The following WASF1 variants were observed in gnomAD, a reference collection of about 807,000 sequenced individuals.
The protein encoded by WASF1 is WASP family member 1.
Under a neutral mutation model 50.5 loss-of-function variants are expected in WASF1, and 7 were observed. The observed-to-expected ratio is 0.14, with a 90% CI of 0.08 to 0.26. WASF1 has a LOEUF of 0.26. WASF1 is among the 10% of genes least tolerant of loss of function. The probability of loss-of-function intolerance (pLI) is 1.00; values close to 1 mark genes in which losing one functional copy is unlikely to be tolerated. For missense variants in WASF1, 470 were observed against 694.7 expected, an observed-to-expected ratio of 0.68 and a Z score of 3.64; for synonymous variants, 205 against 244.0, an observed-to-expected ratio of 0.84 and a Z score of 1.49.
intron 2 of WASF1, among the ~76,000 whole-genome samples, chr6:110,171,758 G>C (rs998834998): frequency 1.3e-5 from 2 of 151,834 alleles, no homozygotes; most frequent in Non-Finnish European, 2.9e-5. Context: ...CTACAGAATG[G>C]GAGAAAATTT....
At chr6:110,179,385 C>G (rs939782761) in intron 1 of WASF1, 54 bp downstream of exon 1, 3 of 152,730 alleles carry the variant, frequency 2.0e-5, no homozygotes, top group African/African-American at 7.2e-5. Flanking sequence ...GGAAGAGTTC[C>G]TCTCCCAACA....
At chr6:110,121,164 A>C (rs1369911928) in intron 4 of WASF1, among the ~76,000 whole-genome samples, 1 of 152,228 alleles carries the variant, frequency 6.6e-6, no homozygotes, top group African/African-American at 2.4e-5. Flanking sequence ...AAGCAATGGC[A>C]AGAAAGCCAA....
Position 110,179,499 on chromosome 6 carries a change from C to G in WASF1, c.-332G>C, listed in dbSNP as rs1777111144. 1 of 152,186 alleles carries G rather than the reference C, an allele frequency of 6.6e-6. No individual in the cohort carries two copies. The highest frequency in any genetic ancestry group is 1.9e-4 in the East Asian group (1 of 5,132). The allele number at this position is 152,186 out of a possible 1,614,324, so 9.4% of individuals were successfully genotyped here. ...TCATGCTTCGGCAGCGGTCGCCGGT[C>G]CCCCTCGGCTCGCGGGACTCCGCCT... is the stretch of plus-strand genomic sequence containing the variant. On this transcript the variant is annotated 5_prime_UTR_variant, in exon 1 of 11. Coordinates refer to ENST00000392589, the MANE Select transcript of WASF1 (RefSeq NM_003931.3).
chr6:110,107,443 T>C (rs1048722155), intron 6 of WASF1, among the ~76,000 whole-genome samples: 2 of 152,192 alleles, frequency 1.3e-5, no homozygotes, highest in African/African-American at 4.8e-5. Context: ...GCAATTTTCA[T>C]CCCTAATTTC....
intron 3 of WASF1, among the ~76,000 whole-genome samples, chr6:110,131,342 G>C (rs1774659622): frequency 6.6e-6 from 1 of 152,084 alleles, no homozygotes; most frequent in African/African-American, 2.4e-5. Context: ...GTAGCAGTTA[G>C]GTTTCTTATA....
At chr6:110,154,103 GT>G (rs1202359351) in intron 3 of WASF1, among the ~76,000 whole-genome samples, 2 of 152,096 alleles carry the variant, frequency 1.3e-5, no homozygotes, top group African/African-American at 4.8e-5. Context: ...GTTAGAGGAA[GT>G]GAGGTTCTAC....
intron 4 of WASF1, among the ~76,000 whole-genome samples, chr6:110,119,682 TC>T: frequency 6.6e-6 from 1 of 152,310 alleles, no homozygotes; most frequent in Middle Eastern, 3.4e-3. Flanking sequence ...CCTCCCTAAC[TC>T]ATTTTATGAG....
At chr6:110,107,215 T>TAA in intron 6 of WASF1, 21 bp from the exon 7 acceptor site, 1 of 1,461,070 alleles carries the variant, frequency 6.8e-7, no homozygotes, top group Non-Finnish European at 9.4e-7. Context: ...AAATATCAAT[T>TAA]AAAACACACA....
At chr6:110,118,077 A>G (rs892459669) in intron 4 of WASF1, among the ~76,000 whole-genome samples, 7 of 152,154 alleles carry the variant, frequency 4.6e-5, no homozygotes, top group Non-Finnish European at 2.9e-5. Context: ...GGTAAAGAAC[A>G]TCGATGCTAG....
At chr6:110,125,902 C>T (rs1284159922) in intron 4 of WASF1, among the ~76,000 whole-genome samples, 1 of 152,052 alleles carries the variant, frequency 6.6e-6, no homozygotes, top group South Asian at 2.1e-4. Flanking sequence ...CTTAAAAATT[C>T]CTTAAATTTT....
intron 4 of WASF1, among the ~76,000 whole-genome samples, chr6:110,118,533 G>C (rs973958760): frequency 1.3e-5 from 2 of 151,982 alleles, no homozygotes; most frequent in Non-Finnish European, 2.9e-5. Flanking sequence ...GGAACACCCA[G>C]ATTCATAAAG....
At chr6:110,153,953 A>G (rs796085412) in intron 3 of WASF1, among the ~76,000 whole-genome samples, 7 of 152,280 alleles carry the variant, frequency 4.6e-5, no homozygotes, top group African/African-American at 1.4e-4. Flanking sequence ...ATGTGACAAT[A>G]ACATACCTAA....
intron 3 of WASF1, among the ~76,000 whole-genome samples, chr6:110,130,170 C>T (rs1387468215): frequency 1.3e-5 from 2 of 152,096 alleles, no homozygotes; most frequent in Non-Finnish European, 2.9e-5. Flanking sequence ...GCATTCTCTC[C>T]ACATTTTTAA....
intron 4 of WASF1, among the ~76,000 whole-genome samples, chr6:110,121,941 A>G (rs141032840): frequency 6.6e-6 from 1 of 151,948 alleles, no homozygotes; most frequent in South Asian, 2.1e-4. Flanking sequence ...AGGTTGGAAA[A>G]CCAAACACCA....
In WASF1 at chr6:110,179,469, C is replaced by T. The variant is rs556043239; in HGVS notation, c.-302G>A. On this transcript the variant is annotated 5_prime_UTR_variant, in exon 1 of 11. Transcript: ENST00000392589. ...AATCTTGGGGGCTCACGCCTTACCCCTTCTTCATGCTTCGGCAGCGGTCGC... is the reference window on the plus strand; with the variant it reads ...AATCTTGGGGGCTCACGCCTTACCCTTTCTTCATGCTTCGGCAGCGGTCGC... The T allele has an allele frequency of 2.0e-5, 3 of 152,342 alleles. No individual in the cohort carries two copies. Among genetic ancestry groups the T allele is most frequent in the African/African-American group, 7.2e-5 (3 of 41,566 alleles). 9.4% of individuals were successfully genotyped at this position (152,342 alleles called of 1,614,324 possible).
intron 2 of WASF1, among the ~76,000 whole-genome samples, chr6:110,167,657 C>T (rs1215315985): frequency 1.3e-5 from 2 of 151,956 alleles, no homozygotes; most frequent in Non-Finnish European, 2.9e-5. Context: ...TGAGATACAT[C>T]TATAACTTAC....
intron 2 of WASF1, among the ~76,000 whole-genome samples, chr6:110,162,771 A>C (rs1276490091): frequency 6.6e-6 from 1 of 151,626 alleles, no homozygotes; most frequent in Non-Finnish European, 1.5e-5. Context: ...TCAACTTGAA[A>C]AGAAGATTTA....
At chr6:110,164,170 A>C (rs1312795409) in intron 2 of WASF1, among the ~76,000 whole-genome samples, 1 of 151,662 alleles carries the variant, frequency 6.6e-6, no homozygotes, top group Non-Finnish European at 1.5e-5. Flanking sequence ...AAATACAACA[A>C]CAAAGGCACA....
Position 110,176,051 on chromosome 6 carries a change from C to G in WASF1, c.-127+2547G>C, listed in dbSNP as rs569263640. On this transcript the variant is annotated intron_variant, in intron 2 of 10. Transcript: ENST00000392589. ...ATACTGTTTCTGAGAAAATAAGACT[C>G]AAGTTCCAAACCATTTTACAAGTTG... 2.8e-4 allele frequency among the ~76,000 whole-genome samples: 43 copies of G among 152,100 alleles called. 1 individual carries two copies. In the Middle Eastern group the frequency reaches 0.01, roughly 36 times the overall value.
Sources: allele counts gnomAD v4.1 joint callset (sites outside exome capture counted in the v4.1 genomes callset), GRCh38; gene constraint gnomAD v4.1.1; transcripts MANE v1.5; gene names NCBI Gene and HGNC (gene_info 2026-07-23, HGNC 2026-07-21).